IMMP2L: variants seen among roughly 807,000 people sequenced by gnomAD.
IMMP2L encodes the protein mitochondrial inner membrane protease subunit 2.
IMMP2L carries 18 observed loss-of-function variants against 19.3 expected under a neutral mutation model. That is an observed-to-expected ratio of 0.93 (90% CI 0.64 to 1.38). The LOEUF (loss-of-function observed/expected upper bound fraction) is 1.38. IMMP2L is among the 40% of genes most tolerant of loss of function. The probability of loss-of-function intolerance (pLI) is 0.00; values close to 1 mark genes in which losing one functional copy is unlikely to be tolerated. For synonymous variants in IMMP2L, 76 were observed against 73.0 expected (o/e 1.04, Z -0.21); for missense variants, 233 against 218.2 (o/e 1.07, Z -0.43).
At chr7:111,084,632 A>G (rs2129576872) in intron 3 of IMMP2L, among the ~76,000 whole-genome samples, 1 of 152,334 alleles carries the variant, frequency 6.6e-6, no homozygotes, top group South Asian at 2.1e-4. Context: ...AATACTTAAG[A>G]GGTAGATGAA....
At chr7:111,211,776 G>A (rs918068694) in intron 3 of IMMP2L, among the ~76,000 whole-genome samples, 4 of 152,176 alleles carry the variant, frequency 2.6e-5, no homozygotes, top group South Asian at 2.1e-4. Context: ...TTGGGAGGCC[G>A]AGGCAGGCAG....
chr7:110,993,511 C>T (rs1295704054), intron 3 of IMMP2L, among the ~76,000 whole-genome samples: 1 of 151,888 alleles, frequency 6.6e-6, no homozygotes, highest in Non-Finnish European at 1.5e-5. Flanking sequence ...CTTGCTATCC[C>T]TCAATAAACA....
At chr7:111,055,674 T>C (rs1793442336) in intron 3 of IMMP2L, among the ~76,000 whole-genome samples, 1 of 152,144 alleles carries the variant, frequency 6.6e-6, no homozygotes, top group African/African-American at 2.4e-5. Context: ...CTGTCCTTGG[T>C]CAAGAATATA....
At chr7:111,455,717 C>CA (rs1282170914) in intron 3 of IMMP2L, among the ~76,000 whole-genome samples, 4 of 118,404 alleles carry the variant, frequency 3.4e-5, no homozygotes, top group Non-Finnish European at 6.9e-5. Context: ...CCATGCCTCT[C>CA]ATGTAGATAG....
chr7:111,429,913 T>C (rs1585065792), intron 3 of IMMP2L, among the ~76,000 whole-genome samples: 1 of 152,040 alleles, frequency 6.6e-6, no homozygotes, highest in African/African-American at 2.4e-5. Context: ...AACAGTATTA[T>C]ATAGCAAGTA....
intron 5 of IMMP2L, among the ~76,000 whole-genome samples, chr7:110,706,731 G>C (rs1794710015): frequency 6.6e-6 from 1 of 152,028 alleles, no homozygotes; most frequent in African/African-American, 2.4e-5. Flanking sequence ...GTTCCTTATA[G>C]ATTCTGAATA....
intron 3 of IMMP2L, among the ~76,000 whole-genome samples, chr7:111,184,680 C>T (rs937576377): frequency 2.0e-5 from 3 of 152,044 alleles, no homozygotes; most frequent in African/African-American, 7.2e-5. Context: ...CAACAGAAAC[C>T]TGACTTCTGT....
At position 110,870,551 on chromosome 7, in the gene IMMP2L, AGTGTGT is replaced by A. The variant is rs370612291; in HGVS notation, c.408+16036_408+16041del. ...TAGTAGCTAGAAGCAGGTGTGTGTG[AGTGTGT>A]GTGTGTGCACGCGCATGTGTGCGTG... On this transcript the variant is annotated intron_variant, in intron 5 of 5. Coordinates refer to ENST00000405709, the MANE Select transcript of IMMP2L (RefSeq NM_032549.4). This position sits in a 1 kb window ranked among gnomAD's most constrained non-coding sequence, Gnocchi z 4.2. Among the ~76,000 whole-genome samples, 2 of 151,844 alleles carry A rather than the reference AGTGTGT, an allele frequency of 1.3e-5. No homozygotes were observed. The highest frequency in any genetic ancestry group is 2.9e-5 in the Non-Finnish European group (2 of 67,932).
At chr7:110,789,174 G>A (rs1176243910) in intron 5 of IMMP2L, among the ~76,000 whole-genome samples, 1 of 151,810 alleles carries the variant, frequency 6.6e-6, no homozygotes, top group Non-Finnish European at 1.5e-5. Context: ...GTGAACCCCA[G>A]GCTTTGGGTC....
intron 3 of IMMP2L, among the ~76,000 whole-genome samples, chr7:111,048,626 A>T (rs1403400046): frequency 6.6e-6 from 1 of 152,212 alleles, no homozygotes; most frequent in Non-Finnish European, 1.5e-5. Context: ...TTGTTGAATA[A>T]GTCAACAAGC....
intron 3 of IMMP2L, among the ~76,000 whole-genome samples, chr7:111,397,750 T>G (rs1833017128): frequency 6.6e-6 from 1 of 152,164 alleles, no homozygotes; most frequent in Non-Finnish European, 1.5e-5. Context: ...TTTTTATTAC[T>G]ATTTTGTGGC....
At chr7:111,467,388 C>G (rs913557863) in intron 3 of IMMP2L, among the ~76,000 whole-genome samples, 9 of 152,150 alleles carry the variant, frequency 5.9e-5, no homozygotes, top group African/African-American at 2.2e-4. Flanking sequence ...ATATTCAGTT[C>G]TGTAAAGATG....
At chr7:111,254,898 G>C (rs956637800) in intron 3 of IMMP2L, among the ~76,000 whole-genome samples, 4 of 152,076 alleles carry the variant, frequency 2.6e-5, no homozygotes, top group African/African-American at 4.8e-5. Context: ...AAAATCTTCA[G>C]CTCTTTATCA....
intron 3 of IMMP2L, among the ~76,000 whole-genome samples, chr7:111,260,260 C>T (rs183806541): frequency 6.5e-4 from 99 of 152,232 alleles, no homozygotes; most frequent in African/African-American, 2.0e-3. Flanking sequence ...CACAAACACA[C>T]GAGTAGTGCA....
At chr7:110,972,239 A>G (rs1585521992) in intron 3 of IMMP2L, among the ~76,000 whole-genome samples, 1 of 152,032 alleles carries the variant, frequency 6.6e-6, no homozygotes, top group Non-Finnish European at 1.5e-5. Flanking sequence ...AAACAGCATT[A>G]CCATTTATTT....
At chr7:111,499,220 G>A (rs948996243) in intron 2 of IMMP2L, among the ~76,000 whole-genome samples, 1 of 152,102 alleles carries the variant, frequency 6.6e-6, no homozygotes, top group Admixed American at 6.6e-5. Flanking sequence ...CAGCCAAAAT[G>A]AGTCATAAGG....
chr7:111,032,630 T>A (rs542830206), intron 3 of IMMP2L, among the ~76,000 whole-genome samples: 1 of 152,166 alleles, frequency 6.6e-6, no homozygotes, highest in Admixed American at 6.5e-5. Flanking sequence ...GACATCAACC[T>A]CACCAGTATG....
chr7:110,677,047 C>T (rs923064103), intron 5 of IMMP2L, among the ~76,000 whole-genome samples: 1 of 152,174 alleles, frequency 6.6e-6, no homozygotes, highest in African/African-American at 2.4e-5. Context: ...CTGATCCCAC[C>T]TCTCTGGTAA....
chr7:111,466,776 G>A (rs985448328), intron 3 of IMMP2L, among the ~76,000 whole-genome samples: 1 of 152,100 alleles, frequency 6.6e-6, no homozygotes, highest in Non-Finnish European at 1.5e-5. Context: ...TACTAAACAT[G>A]TACAGACATT....
Sources: allele counts gnomAD v4.1 joint callset (sites outside exome capture counted in the v4.1 genomes callset), GRCh38; gene constraint gnomAD v4.1.1; non-coding constraint Gnocchi (gnomAD v3.1); transcripts MANE v1.5; gene names NCBI Gene and HGNC (gene_info 2026-07-23, HGNC 2026-07-21).